The following NCKAP5 variants were observed in gnomAD, a reference collection of about 807,000 sequenced individuals.
The protein encoded by NCKAP5 is nck-associated protein 5.
Under a neutral mutation model 167.0 loss-of-function variants are expected in NCKAP5, and 92 were observed. The ratio of observed to expected loss-of-function variants is 0.55; its 90% confidence interval spans 0.47 to 0.66. NCKAP5 has a LOEUF of 0.66. NCKAP5 is among the 30% of genes least tolerant of loss of function. NCKAP5 has a pLI of 0.00. For synonymous variants in NCKAP5, 891 were observed against 877.4 expected (o/e 1.02, Z -0.27); for missense variants, 2,378 against 2,315.0 (o/e 1.03, Z -0.56).
At chr2:133,528,566 C>T (rs1432179249) in intron 2 of NCKAP5, among the ~76,000 whole-genome samples, 1 of 152,152 alleles carries the variant, frequency 6.6e-6, no homozygotes, top group East Asian at 1.9e-4. Context: ...AGCAAAGGAT[C>T]TGAAACTTAA....
At chr2:133,387,123 G>A (rs529752078) in intron 3 of NCKAP5, among the ~76,000 whole-genome samples, 18 of 152,330 alleles carry the variant, frequency 1.2e-4, no homozygotes, top group African/African-American at 3.8e-4. Flanking sequence ...GTTAGTTGAT[G>A]CGGTTTCCTC....
chr2:133,384,081 T>C (rs1049750295), intron 3 of NCKAP5, among the ~76,000 whole-genome samples: 2 of 152,212 alleles, frequency 1.3e-5, no homozygotes. Flanking sequence ...TTTGTCAATT[T>C]TGACTTTTGT....
At chr2:133,635,665 C>T in the NCKAP5 span, among the ~76,000 whole-genome samples, 1 of 152,066 alleles carries the variant, frequency 6.6e-6, no homozygotes, top group Non-Finnish European at 1.5e-5. Context: ...AGACAAGCAA[C>T]TTATTTAAAT....
chr2:133,579,588 G>A, the NCKAP5 span, among the ~76,000 whole-genome samples: 5 of 152,294 alleles, frequency 3.3e-5, no homozygotes, highest in South Asian at 1.0e-3. Flanking sequence ...AGATAAGTAG[G>A]TGTCCCTGGA....
intron 8 of NCKAP5, among the ~76,000 whole-genome samples, chr2:132,892,899 G>T (rs1310839735): frequency 1.3e-5 from 2 of 148,866 alleles, no homozygotes; most frequent in East Asian, 4.1e-4. Context: ...CAGCGTGTTT[G>T]AACCCTCTCT....
At chr2:133,425,948 T>A (rs1689764824) in intron 3 of NCKAP5, among the ~76,000 whole-genome samples, 1 of 152,114 alleles carries the variant, frequency 6.6e-6, no homozygotes, top group South Asian at 2.1e-4. Flanking sequence ...TGCCTTTAAA[T>A]TAAAAAACAG....
intron 3 of NCKAP5, among the ~76,000 whole-genome samples, chr2:133,437,462 G>A (rs111484399): frequency 0.037 from 5,568 of 152,154 alleles, 142 homozygotes; most frequent in Admixed American, 0.084. Context: ...ACTGAACAAA[G>A]AAACAAATGG....
chr2:132,903,177 C>A (rs538321398), intron 8 of NCKAP5, among the ~76,000 whole-genome samples: 1 of 152,264 alleles, frequency 6.6e-6, no homozygotes, highest in African/African-American at 2.4e-5. Flanking sequence ...CAGCTCCCAC[C>A]CCCCTTGCCA....
intron 19 of NCKAP5, among the ~76,000 whole-genome samples, 171 bp from the exon 20 acceptor site, chr2:132,673,476 G>C (rs986802688): frequency 5.3e-5 from 8 of 151,948 alleles, no homozygotes; most frequent in Admixed American, 3.9e-4. Flanking sequence ...GCCAATTTTA[G>C]GGATAAATCA....
intron 3 of NCKAP5, among the ~76,000 whole-genome samples, chr2:133,437,488 T>A (rs1018507177): frequency 1.3e-5 from 2 of 152,152 alleles, no homozygotes; most frequent in African/African-American, 4.8e-5. Context: ...TAGCCACTTG[T>A]AAAAAAACGT....
intron 4 of NCKAP5, among the ~76,000 whole-genome samples, chr2:133,221,727 C>A (rs962996855): frequency 3.3e-5 from 5 of 152,158 alleles, no homozygotes; most frequent in Non-Finnish European, 7.4e-5. Flanking sequence ...TAAGAAGGCA[C>A]TTTCTGCTAT....
At chr2:132,902,684 C>T (rs902384654) in intron 8 of NCKAP5, among the ~76,000 whole-genome samples, 3 of 152,194 alleles carry the variant, frequency 2.0e-5, no homozygotes, top group African/African-American at 7.2e-5. Context: ...ACAAAAGAAT[C>T]GCCGTGAGGC....
chr2:132,863,109 C>G (rs187783905), intron 10 of NCKAP5, among the ~76,000 whole-genome samples: 11 of 152,288 alleles, frequency 7.2e-5, no homozygotes, highest in African/African-American at 2.6e-4. Flanking sequence ...CATGAACCAC[C>G]ATGCCCGGCA....
At chr2:132,945,909 T>A (rs1295332087) in intron 8 of NCKAP5, among the ~76,000 whole-genome samples, 1 of 152,156 alleles carries the variant, frequency 6.6e-6, no homozygotes, top group Non-Finnish European at 1.5e-5. Flanking sequence ...ATTACGAAAA[T>A]GTCAAAACAC....
intron 19 of NCKAP5, among the ~76,000 whole-genome samples, chr2:132,705,819 G>A (rs1029018352): frequency 1.2e-4 from 19 of 152,162 alleles, no homozygotes; most frequent in South Asian, 1.0e-3. Flanking sequence ...ACCTAAGGAC[G>A]TCAAGGCCCA....
At chr2:133,300,251 A>G (rs1680286786) in intron 4 of NCKAP5, among the ~76,000 whole-genome samples, 1 of 131,112 alleles carries the variant, frequency 7.6e-6, no homozygotes, top group Non-Finnish European at 1.6e-5. Flanking sequence ...CAATAGAAAA[A>G]GAGGGAATCC....
chr2:133,460,557 G>A (rs915453641), intron 3 of NCKAP5, among the ~76,000 whole-genome samples: 8 of 152,034 alleles, frequency 5.3e-5, no homozygotes, highest in South Asian at 2.1e-4. Context: ...AATAATTGTC[G>A]CTCATTTACT....
chr2:133,424,991 C>T (rs1689702872), intron 3 of NCKAP5, among the ~76,000 whole-genome samples: 1 of 152,172 alleles, frequency 6.6e-6, no homozygotes, highest in Admixed American at 6.5e-5. Flanking sequence ...AACTTCAGAG[C>T]TGAGAAGGCC....
chr2:133,000,262 C>T (rs1175422603), intron 6 of NCKAP5, among the ~76,000 whole-genome samples: 1 of 152,128 alleles, frequency 6.6e-6, no homozygotes, highest in African/African-American at 2.4e-5. Flanking sequence ...GAAAGGGTCC[C>T]ACCATGACTG....
Sources: allele counts gnomAD v4.1 joint callset (sites outside exome capture counted in the v4.1 genomes callset), GRCh38; gene constraint gnomAD v4.1.1; transcripts MANE v1.5; gene names NCBI Gene and HGNC (gene_info 2026-07-23, HGNC 2026-07-21).